UNC13C: variants seen among roughly 807,000 people sequenced by gnomAD.
UNC13C encodes unc-13 homolog C, also known as protein unc-13 homolog C.
In UNC13C, 174 loss-of-function variants were observed where a neutral mutation model predicts 245.4. That is an observed-to-expected ratio of 0.71 (90% CI 0.63 to 0.80). The LOEUF is 0.80. UNC13C is among the 30% of genes least tolerant of loss of function. UNC13C has a pLI of 0.00. For missense variants in UNC13C, 2,829 were observed against 2,602.9 expected, an observed-to-expected ratio of 1.09 and a Z score of -1.89; for synonymous variants, 992 against 895.1, an observed-to-expected ratio of 1.11 and a Z score of -1.93.
intron 14 of UNC13C, among the ~76,000 whole-genome samples, chr15:54,322,296 T>C (rs1284546716): frequency 6.6e-6 from 1 of 152,066 alleles, no homozygotes; most frequent in Admixed American, 6.6e-5. Flanking sequence ...TTCATTAGAT[T>C]GAATCTTCAT....
the UNC13C span, among the ~76,000 whole-genome samples, chr15:53,935,479 A>C: frequency 1.3e-5 from 2 of 152,252 alleles, no homozygotes; most frequent in Non-Finnish European, 2.9e-5. Flanking sequence ...CAGAGAAATA[A>C]GGACTTCTCA....
chr15:53,870,354 A>G, the UNC13C span, among the ~76,000 whole-genome samples: 1 of 152,036 alleles, frequency 6.6e-6, no homozygotes, highest in Non-Finnish European at 1.5e-5. Flanking sequence ...GTCCCCTGAT[A>G]TGCATTCTCA....
chr15:54,313,358 A>G (rs1013286857), intron 13 of UNC13C, among the ~76,000 whole-genome samples: 3 of 151,780 alleles, frequency 2.0e-5, no homozygotes, highest in Non-Finnish European at 4.4e-5. Context: ...TTGGGTTCAT[A>G]TTACTTTAAT....
chr15:54,362,191 T>C (rs1434919053), intron 17 of UNC13C, among the ~76,000 whole-genome samples: 1 of 152,196 alleles, frequency 6.6e-6, no homozygotes, highest in Non-Finnish European at 1.5e-5. Flanking sequence ...CCCCAGGTGA[T>C]TGAGCCTTCC....
At chr15:54,163,411 T>G (rs2033049059) in intron 4 of UNC13C, among the ~76,000 whole-genome samples, 1 of 152,190 alleles carries the variant, frequency 6.6e-6, no homozygotes, top group Non-Finnish European at 1.5e-5. Flanking sequence ...GTAAACTTCT[T>G]TTGTTATAAG....
At chr15:54,375,121 A>G (rs542060412) in intron 17 of UNC13C, among the ~76,000 whole-genome samples, 32 of 152,346 alleles carry the variant, frequency 2.1e-4, no homozygotes, top group African/African-American at 7.7e-4. Context: ...TATACCTGTA[A>G]GTAGAATTAC....
chr15:54,546,408 T>C (rs1896483260), intron 26 of UNC13C, among the ~76,000 whole-genome samples: 1 of 152,106 alleles, frequency 6.6e-6, no homozygotes, highest in Admixed American at 6.6e-5. Context: ...CCATGGCATG[T>C]GTATACCTAT....
intron 2 of UNC13C, among the ~76,000 whole-genome samples, chr15:54,055,194 A>G (rs1897455563): frequency 6.6e-6 from 1 of 152,192 alleles, no homozygotes; most frequent in Admixed American, 6.5e-5. Flanking sequence ...TCTCATGCCT[A>G]AATCAGTTAC....
At chr15:54,024,509 C>A (rs1268456089) in intron 2 of UNC13C, among the ~76,000 whole-genome samples, 1 of 152,176 alleles carries the variant, frequency 6.6e-6, no homozygotes, top group African/African-American at 2.4e-5. Context: ...GTTTCCTGCA[C>A]TAAAGATAGT....
chr15:53,915,349 A>C, the UNC13C span, among the ~76,000 whole-genome samples: 1 of 152,372 alleles, frequency 6.6e-6, no homozygotes, highest in East Asian at 1.9e-4. Flanking sequence ...TGAAAACTTA[A>C]AAAATAACAA....
chr15:54,499,519 T>G (rs754709701), intron 20 of UNC13C, among the ~76,000 whole-genome samples: 1 of 152,042 alleles, frequency 6.6e-6, no homozygotes, highest in Non-Finnish European at 1.5e-5. Context: ...GCAAATTCAA[T>G]GCGGTGGGGG....
At chr15:54,544,407 C>T (rs1896392557) in intron 26 of UNC13C, among the ~76,000 whole-genome samples, 1 of 152,314 alleles carries the variant, frequency 6.6e-6, no homozygotes, top group South Asian at 2.1e-4. Flanking sequence ...TGCCCTCTCT[C>T]ACCACTCCTG....
intron 2 of UNC13C, among the ~76,000 whole-genome samples, chr15:54,018,913 G>A (rs534506862): frequency 2.6e-5 from 4 of 152,062 alleles, no homozygotes; most frequent in African/African-American, 9.7e-5. Context: ...ATCAAGAGAG[G>A]TGGGATACTA....
intron 17 of UNC13C, among the ~76,000 whole-genome samples, chr15:54,354,959 G>C (rs1348404922): frequency 6.6e-6 from 1 of 152,120 alleles, no homozygotes; most frequent in African/African-American, 2.4e-5. Flanking sequence ...TTTCATTTAT[G>C]AATTATTGTG....
rs187662846 is a variant in UNC13C at position 53,996,094 on chromosome 15, T to G, written c.-256-16554T>G. ...CTGAAGATGTGAGCAAAAGGAGAGA[T>G]AACATTCCTAGAGGTGGTGAGAAGT... is the stretch of plus-strand genomic sequence containing the variant. On this transcript the variant is annotated intron_variant, in intron 1 of 32. Coordinates refer to ENST00000260323, the MANE Select transcript of UNC13C (RefSeq NM_001080534.3). Among the ~76,000 whole-genome samples the G allele has an allele frequency of 2.2e-3, 335 of 152,294 alleles. 2 individuals carry two copies. Among genetic ancestry groups the G allele is most frequent in the African/African-American group, 7.5e-3 (313 of 41,556 alleles).
chr15:54,307,765 G>T (rs1222814511), intron 13 of UNC13C, among the ~76,000 whole-genome samples: 1 of 151,794 alleles, frequency 6.6e-6, no homozygotes, highest in Non-Finnish European at 1.5e-5. Flanking sequence ...CATTGCTCTT[G>T]TACTCAAAAT....
chr15:54,216,971 G>A (rs990144161), intron 4 of UNC13C, among the ~76,000 whole-genome samples: 1 of 151,906 alleles, frequency 6.6e-6, no homozygotes, highest in Non-Finnish European at 1.5e-5. Context: ...CCTCCAAAGA[G>A]ATCATCAGGT....
At chr15:54,239,025 G>C (rs1406981660) in intron 7 of UNC13C, among the ~76,000 whole-genome samples, 1 of 152,154 alleles carries the variant, frequency 6.6e-6, no homozygotes, top group Admixed American at 6.5e-5. Context: ...AATGTGTCTT[G>C]CACATTCTGC....
chr15:54,445,981 G>C (rs1347743156), intron 19 of UNC13C, among the ~76,000 whole-genome samples: 1 of 152,120 alleles, frequency 6.6e-6, no homozygotes, highest in African/African-American at 2.4e-5. Flanking sequence ...AAGGTGTAAG[G>C]AAGGGATCCA....
Sources: allele counts gnomAD v4.1 joint callset (sites outside exome capture counted in the v4.1 genomes callset), GRCh38; gene constraint gnomAD v4.1.1; transcripts MANE v1.5; gene names NCBI Gene and HGNC (gene_info 2026-07-23, HGNC 2026-07-21).